UBAC1: variants seen among roughly 807,000 people sequenced by gnomAD.
UBAC1 encodes the protein ubiquitin-associated domain-containing protein 1.
In UBAC1, 27 loss-of-function variants were observed where a neutral mutation model predicts 45.9. The observed-to-expected ratio is 0.59, with a 90% confidence interval of 0.43 to 0.81. The LOEUF is 0.81. Ranked by LOEUF, UBAC1 falls within the 30% of genes least tolerant of loss-of-function variation. UBAC1 has a pLI of 0.00. For missense variants in UBAC1, 529 were observed against 539.2 expected (o/e 0.98, Z 0.19); for synonymous variants, 227 against 215.5 (o/e 1.05, Z -0.47).
Position 135,938,290 on chromosome 9 carries a change from G to A in UBAC1, c.1034C>T (p.Pro345Leu). Residue 345 changes from proline (P) to leucine (L), a missense_variant, in exon 9 of 10, where the codon CCT (proline) becomes CTT (leucine). Coordinates refer to ENST00000371756, the MANE Select transcript of UBAC1 (RefSeq NM_016172.3). ...ELDKGIDPDS[P>L]LFQAILDNPV... ...GTTATCCAGGATGGCCTGAAAGAGA[G>A]GACTGTCGGGGTCGATGCCCTTGTC... The A allele has an allele frequency of 6.2e-7, 1 of 1,614,212 alleles. No homozygotes were observed. The highest frequency in any genetic ancestry group is 8.5e-7 in the Non-Finnish European group (1 of 1,180,050).
intron 3 of UBAC1, among the ~76,000 whole-genome samples, chr9:135,951,534 C>T (rs1160774342): frequency 6.6e-6 from 1 of 152,008 alleles, no homozygotes; most frequent in Non-Finnish European, 1.5e-5. Context: ...GTAGGCCAGG[C>T]GCAATGGCTC....
chr9:135,940,839 G>A (rs1192658056), intron 7 of UBAC1, among the ~76,000 whole-genome samples: 1 of 152,134 alleles, frequency 6.6e-6, no homozygotes, highest in African/African-American at 2.4e-5. Context: ...TCCCTGAAAG[G>A]TCAGATCCCA....
At chr9:135,957,161 G>A (rs1010327287) in intron 1 of UBAC1, among the ~76,000 whole-genome samples, 4 of 152,138 alleles carry the variant, frequency 2.6e-5, no homozygotes, top group East Asian at 1.9e-4. Flanking sequence ...GACTGAAAAC[G>A]GTTTTGAAAA....
intron 7 of UBAC1, among the ~76,000 whole-genome samples, chr9:135,940,991 G>A (rs1022969712): frequency 1.3e-5 from 2 of 152,200 alleles, no homozygotes; most frequent in Non-Finnish European, 2.9e-5. Context: ...GACGGTGCAC[G>A]TCCACAGCCA....
chr9:135,953,610 A>T, intron 3 of UBAC1, 70 bp downstream of exon 3: 1 of 1,390,264 alleles, frequency 7.2e-7, no homozygotes, highest in Non-Finnish European at 1.0e-6. Context: ...GAGCCACTGT[A>T]CCCAGCCTGT....
chr9:135,961,264 T>C lies in UBAC1; in HGVS notation c.-102A>G. 1.9e-6 allele frequency: 2 copies of C among 1,063,448 alleles called. No homozygotes were observed. The highest frequency in any genetic ancestry group is 2.3e-6 in the Non-Finnish European group (2 of 858,708). The allele number at this position is 1,063,448 out of a possible 1,614,324, so 65.9% of individuals were successfully genotyped here. On this transcript the variant is annotated 5_prime_UTR_variant, in exon 1 of 10. Transcript: ENST00000371756. The stretch of plus-strand genomic sequence containing the variant: ...GGGGCCAGACCGCCCGCGCGCTCCT[T>C]CGCTGGGCCGCCGCCCCGCCCCGGC...
intron 1 of UBAC1, among the ~76,000 whole-genome samples, chr9:135,955,671 C>T (rs942375409): frequency 7.2e-5 from 11 of 152,224 alleles, no homozygotes; most frequent in Admixed American, 3.3e-4. Context: ...ACCCTACTGA[C>T]AATTCGCGGC....
chr9:135,940,962 T>G (rs1411892937), intron 7 of UBAC1, among the ~76,000 whole-genome samples: 1 of 152,206 alleles, frequency 6.6e-6, no homozygotes, highest in East Asian at 1.9e-4. Flanking sequence ...GCTGACTTCA[T>G]GCAGCACTGC....
intron 9 of UBAC1, among the ~76,000 whole-genome samples, chr9:135,933,750 G>C (rs1278065239): frequency 6.6e-6 from 1 of 152,170 alleles, no homozygotes; most frequent in African/African-American, 2.4e-5. Flanking sequence ...TCTGGCAGGT[G>C]GGCAGTGTGC....
chr9:135,934,930 G>C (rs1339826487), intron 9 of UBAC1, among the ~76,000 whole-genome samples: 6 of 152,128 alleles, frequency 3.9e-5, no homozygotes, highest in Admixed American at 3.9e-4. Context: ...GCCCAGGCTG[G>C]AGTGCAGTGG....
chr9:135,956,983 G>C (rs765077151), intron 1 of UBAC1, among the ~76,000 whole-genome samples: 2 of 152,200 alleles, frequency 1.3e-5, no homozygotes, highest in Non-Finnish European at 2.9e-5. Context: ...GTCTCAGGTG[G>C]CCGGGCAGAC....
intron 6 of UBAC1, chr9:135,945,544 G>T: frequency 4.0e-6 from 2 of 502,760 alleles, no homozygotes; most frequent in Non-Finnish European, 7.0e-6. Context: ...GCCCCCGGCT[G>T]CCCCTGGATC....
Position 135,933,330 on chromosome 9 carries a change from T to C in UBAC1, c.*70A>G. 3.0e-6 allele frequency: 4 copies of C among 1,318,412 alleles called. No homozygotes were observed. Among genetic ancestry groups the C allele is most frequent in the East Asian group, 4.6e-5 (2 of 43,418 alleles). 81.7% of individuals were successfully genotyped at this position (1,318,412 alleles called of 1,614,324 possible). A position where few individuals can be genotyped will look rare whatever the true frequency, so the allele number is the denominator to read the frequency against. The stretch of plus-strand genomic sequence containing the variant: ...GCTGAAGGTGAGTTTCCAGGTGAGG[T>C]CCACTCTGCCCGGTCTCGGGCCGCA... On this transcript the variant is annotated 3_prime_UTR_variant, in exon 10 of 10. Transcript: ENST00000371756.
chr9:135,951,671 G>A (rs537170518), intron 3 of UBAC1, among the ~76,000 whole-genome samples: 3 of 152,044 alleles, frequency 2.0e-5, no homozygotes, highest in Non-Finnish European at 4.4e-5. Flanking sequence ...TTAGCCGGGC[G>A]TGGTGGCACG....
At chr9:135,948,851 C>G (rs1416697361) in intron 3 of UBAC1, among the ~76,000 whole-genome samples, 4 of 152,202 alleles carry the variant, frequency 2.6e-5, no homozygotes. Flanking sequence ...GGGTGAATTA[C>G]TTGGGGTCAG....
chr9:135,946,333 G>A lies in UBAC1; in HGVS notation c.480C>T (p.Ile160=), dbSNP rs1248931704. The A allele has an allele frequency of 1.7e-5, 27 of 1,613,812 alleles. No individual in the cohort carries two copies. Among genetic ancestry groups the A allele is most frequent in the Middle Eastern group, 1.6e-4 (1 of 6,084 alleles). ...TELRKILVSL[I]EVAQKLLALN... ...GCGCTAACAGCTTCTGCGCCACCTC[G>A]ATGAGAGACACCAGTATCTTCCGGA... Residue 160 remains isoleucine (I), a synonymous_variant, in exon 5 of 10, where the codon ATC becomes ATT. Coordinates refer to ENST00000371756, the MANE Select transcript of UBAC1 (RefSeq NM_016172.3).
At chr9:135,949,732 C>T (rs1170332728) in intron 3 of UBAC1, among the ~76,000 whole-genome samples, 3 of 152,236 alleles carry the variant, frequency 2.0e-5, no homozygotes, top group African/African-American at 7.2e-5. Context: ...CGAGGACGGC[C>T]GCACGCTCCC....
chr9:135,948,024 T>A, intron 3 of UBAC1, 119 bp from the exon 4 acceptor site: 1 of 900,294 alleles, frequency 1.1e-6, no homozygotes. Context: ...GAGCCAGAGG[T>A]GTAAACTCCT....
chr9:135,939,691 G>T lies in UBAC1; in HGVS notation c.945C>A (p.Asn315Lys), dbSNP rs777225483. 1 of 1,613,848 alleles carries T rather than the reference G, an allele frequency of 6.2e-7. No individual in the cohort carries two copies. Among genetic ancestry groups the T allele is most frequent in the Non-Finnish European group, 8.5e-7 (1 of 1,179,808 alleles). ...CACTCACCGCGGCATTCTGCTGGTT[G>T]TTGTTCACTCTGAGGGCATCTATCA... ...KEVIDALRVN[N>K]NQQNAACEWL... Residue 315 changes from asparagine to lysine, a missense_variant, in exon 8 of 10, where the codon AAC becomes AAA. Coordinates refer to ENST00000371756, the MANE Select transcript of UBAC1 (RefSeq NM_016172.3).
Sources: gnomAD v4.1 joint callset for allele counts (sites outside exome capture counted in the v4.1 genomes callset) on GRCh38, gnomAD v4.1.1 for gene constraint, MANE v1.5 for transcripts, NCBI Gene and HGNC (gene_info 2026-07-23, HGNC 2026-07-21) for gene names.